SASH1: variants seen among roughly 807,000 people sequenced by gnomAD.
SASH1 encodes SAM and SH3 domain containing 1.
A neutral mutation model predicts 125.2 loss-of-function variants in SASH1; 44 were observed. The observed-to-expected ratio is 0.35, with a 90% CI of 0.28 to 0.45. The LOEUF (loss-of-function observed/expected upper bound fraction) is 0.45. Ranked by LOEUF, SASH1 falls within the 20% of genes least tolerant of loss-of-function variation. The probability of loss-of-function intolerance (pLI) is 1.00; values close to 1 mark genes in which losing one functional copy is unlikely to be tolerated. For missense variants in SASH1, 1,426 were observed against 1,614.5 expected (o/e 0.88, Z 2.00); for synonymous variants, 639 against 649.1 (o/e 0.98, Z 0.24).
intron 1 of SASH1, among the ~76,000 whole-genome samples, chr6:148,307,034 TTCTTTC>T (rs1159363717): frequency 9.7e-5 from 7 of 72,352 alleles, no homozygotes; most frequent in African/African-American, 4.0e-4. Context: ...TTTTCTTTCT[TTCTTTC>T]TTTCTTTCTT....
At position 148,530,626 on chromosome 6, in the gene SASH1, C is replaced by T. The variant is rs141006762; in HGVS notation, c.1429-900C>T. ...TCGGCAGCATGCAAATAGCAGGTTT[C>T]ATTTTAGCTGGTTTTGAGCCCGTGT... is the stretch of plus-strand genomic sequence containing the variant. On this transcript the variant is annotated intron_variant, in intron 12 of 19. Transcript: ENST00000367467. Among the ~76,000 whole-genome samples, 23 of 152,268 alleles carry T rather than the reference C, an allele frequency of 1.5e-4. No homozygotes were observed. The East Asian group carries it at 4.4e-3, about 29-fold the overall frequency.
intron 2 of SASH1, among the ~76,000 whole-genome samples, chr6:148,393,234 T>G (rs1387866557): frequency 1.3e-5 from 2 of 150,904 alleles, no homozygotes; most frequent in Non-Finnish European, 3.0e-5. Flanking sequence ...TTTTTTTTTT[T>G]TTTTTAGCAG....
chr6:148,314,797 C>A (rs965214541), intron 1 of SASH1, among the ~76,000 whole-genome samples: 4 of 148,082 alleles, frequency 2.7e-5, no homozygotes, highest in African/African-American at 1.0e-4. Flanking sequence ...TGAGACGGAG[C>A]CCAGGCTGGA....
At chr6:148,335,127 G>C (rs1255919589) in intron 1 of SASH1, among the ~76,000 whole-genome samples, 3 of 151,472 alleles carry the variant, frequency 2.0e-5, no homozygotes, top group Non-Finnish European at 4.4e-5. Context: ...GTGAAACCCT[G>C]TCTGTACTAA....
At chr6:148,327,995 A>AG (rs1420292057) in intron 1 of SASH1, among the ~76,000 whole-genome samples, 1 of 151,816 alleles carries the variant, frequency 6.6e-6, no homozygotes, top group Admixed American at 6.6e-5. Context: ...AAGTAAACTG[A>AG]GTGGCAAATT....
chr6:148,443,565 C>T (rs1256034933), intron 4 of SASH1, among the ~76,000 whole-genome samples: 3 of 80,972 alleles, frequency 3.7e-5, no homozygotes, highest in Non-Finnish European at 7.8e-5. Flanking sequence ...TTATGTTTCT[C>T]ATCAAACTTT....
chr6:148,341,095 A>C (rs1781306316), upstream of SASH1, among the ~76,000 whole-genome samples: 1 of 152,154 alleles, frequency 6.6e-6, no homozygotes, highest in African/African-American at 2.4e-5. Context: ...CGATTGCAGC[A>C]CTGCACTGCC....
intron 1 of SASH1, among the ~76,000 whole-genome samples, chr6:148,300,850 C>T (rs75336781): frequency 0.018 from 2,722 of 152,180 alleles, 74 homozygotes; most frequent in African/African-American, 0.062. Flanking sequence ...TTTCAAAAAC[C>T]CGACAGCACT....
chr6:148,387,653 T>G (rs565247306), intron 1 of SASH1, among the ~76,000 whole-genome samples: 12 of 97,616 alleles, frequency 1.2e-4, no homozygotes, highest in Non-Finnish European at 2.3e-4. Context: ...TCTTTCTTTC[T>G]TTCTTTCTTT....
chr6:148,513,821 G>A (rs1780284226), intron 8 of SASH1: 4 of 986,236 alleles, frequency 4.1e-6, no homozygotes, highest in Non-Finnish European at 4.8e-6. Context: ...GAGGCTGTTT[G>A]CATCTCTTTC....
intron 1 of SASH1, among the ~76,000 whole-genome samples, chr6:148,290,980 C>T (rs1779618355): frequency 1.4e-5 from 2 of 147,036 alleles, no homozygotes; most frequent in Non-Finnish European, 3.0e-5. Context: ...TTAATGCCTG[C>T]ATTCTTCCAC....
In SASH1 at chr6:148,534,070, G is replaced by A. The variant is rs549807298; in HGVS notation, c.1944+90G>A. 50 of 1,158,154 alleles carry A rather than the reference G, an allele frequency of 4.3e-5. 2 individuals are homozygous for A. The South Asian group carries it at 6.3e-4, about 15-fold the overall frequency. 71.7% of individuals were successfully genotyped at this position (1,158,154 alleles called of 1,614,324 possible). The stretch of plus-strand genomic sequence containing the variant: ...CAAGTGAGGGCATTTTTAGGGTAGG[G>A]TTGGGGCTGATCTGTGTGGTCCAAT... On this transcript the variant is annotated intron_variant, in intron 15 of 19. Transcript: ENST00000367467.
chr6:148,217,923 G>A, the SASH1 span, among the ~76,000 whole-genome samples: 4 of 151,578 alleles, frequency 2.6e-5, no homozygotes, highest in African/African-American at 9.7e-5. Flanking sequence ...GCTGAGGCAG[G>A]AGGATCACTT....
At chr6:148,375,365 T>C (rs1782851187) in intron 1 of SASH1, among the ~76,000 whole-genome samples, 1 of 151,746 alleles carries the variant, frequency 6.6e-6, no homozygotes, top group South Asian at 2.1e-4. Flanking sequence ...TTAACACACC[T>C]ATTATCTCAC....
Position 148,544,394 on chromosome 6 carries a change from G to T in SASH1, c.2924G>T (p.Arg975Ile). The T allele has an allele frequency of 6.2e-7, 1 of 1,614,182 alleles. No individual in the cohort carries two copies. The highest frequency in any genetic ancestry group is 8.5e-7 in the Non-Finnish European group (1 of 1,180,036). Residue 975 changes from arginine to isoleucine, a missense_variant, in exon 18 of 20, where the codon AGA (arginine) becomes ATA (isoleucine). Transcript: ENST00000367467. This position sits in a 1 kb window ranked among gnomAD's most constrained non-coding sequence, Gnocchi z 6.4. ...AAAGAAGGGGTAGATGCTGAGCAGA[G>T]AATGCAGCCCAAAATTCCATCACAG... ...GTKEGVDAEQ[R>I]MQPKIPSQPP...
At chr6:148,379,779 C>A in intron 1 of SASH1, 1 of 384,370 alleles carries the variant, frequency 2.6e-6, no homozygotes, top group South Asian at 1.9e-5. Context: ...AACACGTAAA[C>A]AAATAAGTCA....
the SASH1 span, among the ~76,000 whole-genome samples, chr6:148,244,611 T>C: frequency 6.6e-6 from 1 of 152,142 alleles, no homozygotes; most frequent in Non-Finnish European, 1.5e-5. Context: ...GTTTCTTTAA[T>C]AGGGAAGACC....
chr6:148,388,616 G>C (rs1209151745), intron 1 of SASH1, among the ~76,000 whole-genome samples: 1 of 152,214 alleles, frequency 6.6e-6, no homozygotes, highest in Non-Finnish European at 1.5e-5. Context: ...TCCCGTCTCT[G>C]TTTCTCCTCT....
At position 148,292,352 on chromosome 6, in the gene SASH1, G is replaced by C. The variant is rs544024851; in HGVS notation, n.74+19975G>C. Among the ~76,000 whole-genome samples, 28 of 152,268 alleles carry C rather than the reference G, an allele frequency of 1.8e-4. No homozygotes were observed. The East Asian group carries it at 4.3e-3, about 23-fold the overall frequency. The stretch of plus-strand genomic sequence containing the variant: ...GGGCAGAAGGTGACACATTTGCCTA[G>C]GGGCTCCCGACAATCCCAGGCCCTA... On this transcript the variant is annotated intron_variant and non_coding_transcript_variant, in intron 1 of 3. Transcript: ENST00000367469.
Sources: gnomAD v4.1 joint callset for allele counts (sites outside exome capture counted in the v4.1 genomes callset) on GRCh38, gnomAD v4.1.1 for gene constraint, Gnocchi (gnomAD v3.1) non-coding constraint, MANE v1.5 for transcripts, NCBI Gene and HGNC (gene_info 2026-07-23, HGNC 2026-07-21) for gene names.